Variants in MEI4 observed in about 807,000 individuals in gnomAD.
MEI4 encodes meiotic double-stranded break formation protein 4.
Under a neutral mutation model 31.4 loss-of-function variants are expected in MEI4, and 27 were observed. That is an observed-to-expected ratio of 0.86 (90% CI 0.63 to 1.19). The LOEUF is 1.19. Among genes scored for constraint, MEI4 ranks in the 50% most tolerant of loss-of-function variants. MEI4 has a pLI of 0.00. For synonymous variants in MEI4, 122 were observed against 145.4 expected, an observed-to-expected ratio of 0.84 and a Z score of 1.16; for missense variants, 329 against 398.9, an observed-to-expected ratio of 0.82 and a Z score of 1.49.
chr6:77,702,980 G>A (rs1287571561), intron 2 of MEI4, among the ~76,000 whole-genome samples: 1 of 152,062 alleles, frequency 6.6e-6, no homozygotes, highest in Non-Finnish European at 1.5e-5. Flanking sequence ...GACTAGATTA[G>A]GTTCTCCTGA....
chr6:77,763,066 C>T (rs1428850359), intron 3 of MEI4, among the ~76,000 whole-genome samples: 1 of 152,088 alleles, frequency 6.6e-6, no homozygotes, highest in Non-Finnish European at 1.5e-5. Context: ...TTTTTCCAGT[C>T]TAGTCTTTGC....
chr6:77,862,769 A>G (rs934307765), intron 4 of MEI4, among the ~76,000 whole-genome samples: 3 of 152,196 alleles, frequency 2.0e-5, no homozygotes, highest in Admixed American at 2.0e-4. Flanking sequence ...GAACGGACAG[A>G]CGGCCTCCTC....
At chr6:77,922,524 T>TATCTA (rs1272530966) in intron 4 of MEI4, among the ~76,000 whole-genome samples, 3 of 151,702 alleles carry the variant, frequency 2.0e-5, no homozygotes, top group African/African-American at 7.3e-5. Context: ...TGACTTGACT[T>TATCTA]ATCTATCTCA....
intron 4 of MEI4, among the ~76,000 whole-genome samples, chr6:77,862,742 C>T (rs921396611): frequency 2.2e-4 from 34 of 152,312 alleles, no homozygotes; most frequent in African/African-American, 3.8e-4. Context: ...TCTCCCAGCA[C>T]GCAGCTGGGG....
intron 4 of MEI4, among the ~76,000 whole-genome samples, chr6:77,872,307 C>T (rs1259823098): frequency 2.0e-5 from 3 of 152,070 alleles, no homozygotes; most frequent in East Asian, 1.9e-4. Context: ...TGGCCAGGCA[C>T]AGTGGCATGC....
chr6:77,866,945 C>A (rs1748714942), intron 4 of MEI4, among the ~76,000 whole-genome samples: 1 of 152,152 alleles, frequency 6.6e-6, no homozygotes, highest in Admixed American at 6.5e-5. Flanking sequence ...TGATCTTTGA[C>A]AACCCTGACA....
rs1770521501 is a variant in MEI4, at chr6:77,847,672, T to C, written c.900+18610T>C. Among the ~76,000 whole-genome samples the C allele has an allele frequency of 6.6e-6, 1 of 152,196 alleles. No individual in the cohort carries two copies. The highest frequency in any genetic ancestry group is 1.5e-5 in the Non-Finnish European group (1 of 68,036). On this transcript the variant is annotated intron_variant, in intron 4 of 4. Coordinates refer to ENST00000684080, the MANE Select transcript of MEI4 (RefSeq NM_001322247.2). This position sits in a 1 kb window ranked among gnomAD's most constrained non-coding sequence, Gnocchi z 4.6. ...GCCATTTCTTTCCTACTCCGATCTT[T>C]GTATTATAGACATTAACACATTTTA...
At chr6:77,859,257 C>T (rs1330001034) in intron 4 of MEI4, among the ~76,000 whole-genome samples, 4 of 152,118 alleles carry the variant, frequency 2.6e-5, no homozygotes, top group East Asian at 3.8e-4. Context: ...TTTGTTTACC[C>T]AGTCTATCAT....
intron 4 of MEI4, among the ~76,000 whole-genome samples, chr6:77,867,456 A>T (rs12528210): frequency 0.064 from 9,729 of 152,318 alleles, 469 homozygotes; most frequent in Non-Finnish European, 0.1. Context: ...GCCAAAAGAT[A>T]CATGAAAAAA....
intron 2 of MEI4, among the ~76,000 whole-genome samples, chr6:77,712,983 AAG>A (rs1491332005): frequency 6.6e-6 from 1 of 151,966 alleles, no homozygotes; most frequent in Non-Finnish European, 1.5e-5. Context: ...AAAAAAAAAA[AAG>A]AAGAAGCATT....
At chr6:77,876,968 T>A (rs1355088437) in intron 4 of MEI4, among the ~76,000 whole-genome samples, 1 of 152,106 alleles carries the variant, frequency 6.6e-6, no homozygotes, top group Non-Finnish European at 1.5e-5. Context: ...AAATGTTAGG[T>A]TCATGCCCAT....
intron 4 of MEI4, among the ~76,000 whole-genome samples, chr6:77,921,065 G>A (rs9448256): frequency 0.11 from 16,937 of 151,796 alleles, 2,936 homozygotes; most frequent in African/African-American, 0.37. Context: ...TTGAAGCTCA[G>A]CATTTATTTC....
rs1766844189 is a variant in MEI4 at position 77,926,324 on chromosome 6, A to T, written c.*2978A>T. 1 of 151,946 alleles carries T rather than the reference A, an allele frequency of 6.6e-6. No homozygotes were observed. Among genetic ancestry groups the T allele is most frequent in the Admixed American group, 6.6e-5 (1 of 15,198 alleles). The allele number at this position is 151,946 out of a possible 1,614,324, so 9.4% of individuals were successfully genotyped here. On this transcript the variant is annotated 3_prime_UTR_variant, in exon 5 of 5. Transcript: ENST00000684080. ...GCATCTTTGACCTTTTCAGGGTTGTAGCATCTTGCTACTCAAGACTGTAGC... is the reference window on the plus strand; with the variant it reads ...GCATCTTTGACCTTTTCAGGGTTGTTGCATCTTGCTACTCAAGACTGTAGC...
At chr6:77,851,762 C>A (rs1001598418) in intron 4 of MEI4, among the ~76,000 whole-genome samples, 1 of 151,788 alleles carries the variant, frequency 6.6e-6, no homozygotes, top group Non-Finnish European at 1.5e-5. Flanking sequence ...TGCACATGTA[C>A]CCTAGAACTT....
At chr6:77,793,648 AAG>A (rs1768999539) in intron 3 of MEI4, among the ~76,000 whole-genome samples, 1 of 152,156 alleles carries the variant, frequency 6.6e-6, no homozygotes. Context: ...TTATTGGTGG[AAG>A]AGAGGAAAGA....
chr6:77,753,412 AAAAC>A (rs1258109832), intron 2 of MEI4, among the ~76,000 whole-genome samples: 1 of 151,988 alleles, frequency 6.6e-6, no homozygotes, highest in African/African-American at 2.4e-5. Context: ...ACAAGAAAAA[AAAAC>A]AACCCCATCA....
chr6:77,801,963 A>C (rs1319039029), intron 3 of MEI4, among the ~76,000 whole-genome samples: 2 of 152,040 alleles, frequency 1.3e-5, no homozygotes, highest in African/African-American at 4.8e-5. Flanking sequence ...TGGGGTGGAG[A>C]GTTCTGTAGA....
intron 2 of MEI4, among the ~76,000 whole-genome samples, chr6:77,751,618 C>T (rs1219741104): frequency 6.6e-6 from 1 of 151,914 alleles, no homozygotes; most frequent in Non-Finnish European, 1.5e-5. Flanking sequence ...ATTGAGGCAG[C>T]AATTAATAGC....
At chr6:77,743,053 G>A (rs908221766) in intron 2 of MEI4, among the ~76,000 whole-genome samples, 14 of 152,064 alleles carry the variant, frequency 9.2e-5, no homozygotes, top group Admixed American at 2.6e-4. Context: ...GTCAGGTAGC[G>A]TGATGCCTCC....
Sources: gnomAD v4.1 joint callset for allele counts (sites outside exome capture counted in the v4.1 genomes callset) on GRCh38, gnomAD v4.1.1 for gene constraint, Gnocchi (gnomAD v3.1) non-coding constraint, MANE v1.5 for transcripts, NCBI Gene and HGNC (gene_info 2026-07-23, HGNC 2026-07-21) for gene names.